Variants in SWT1 observed in about 807,000 individuals in gnomAD.
The protein encoded by SWT1 is SWT1 RNA endoribonuclease homolog, also known as transcriptional protein SWT1.
A neutral mutation model predicts 107.3 loss-of-function variants in SWT1; 33 were observed. The observed-to-expected ratio is 0.31, with a 90% CI of 0.23 to 0.41. The LOEUF (loss-of-function observed/expected upper bound fraction) is 0.41. SWT1 is among the 10% of genes least tolerant of loss of function. The pLI is 1.00. For synonymous variants in SWT1, 345 were observed against 348.3 expected, an observed-to-expected ratio of 0.99 and a Z score of 0.11; for missense variants, 898 against 1,028.9, an observed-to-expected ratio of 0.87 and a Z score of 1.74.
intron 15 of SWT1, 38 bp from the exon 16 acceptor site, chr1:185,231,539 A>G (rs767956573): frequency 2.7e-5 from 39 of 1,467,054 alleles, no homozygotes; most frequent in Non-Finnish European, 3.6e-5. Context: ...TTAAATATGT[A>G]TGTATACCTA....
At chr1:185,161,110 AGGTG>A (rs1220797621) in intron 2 of SWT1, among the ~76,000 whole-genome samples, 185 bp downstream of exon 2, 1 of 152,206 alleles carries the variant, frequency 6.6e-6, no homozygotes, top group East Asian at 1.9e-4. Context: ...CAACTGTATG[AGGTG>A]GGTACTATTA....
At chr1:185,187,605 G>A (rs1175631499) in intron 9 of SWT1, among the ~76,000 whole-genome samples, 3 of 152,124 alleles carry the variant, frequency 2.0e-5, no homozygotes, top group Admixed American at 1.3e-4. Flanking sequence ...TAATAACTAT[G>A]ATTTATATAG....
At chr1:185,268,741 ATCTGATTT>A (rs1426029008) in intron 16 of SWT1, among the ~76,000 whole-genome samples, 1 of 152,074 alleles carries the variant, frequency 6.6e-6, no homozygotes, top group Non-Finnish European at 1.5e-5. Context: ...ATCTTGTTTT[ATCTGATTT>A]TCTCGCCCTC....
At chr1:185,195,138 T>C (rs931113425) in intron 10 of SWT1, among the ~76,000 whole-genome samples, 34 of 152,168 alleles carry the variant, frequency 2.2e-4, no homozygotes, top group African/African-American at 7.0e-4. Context: ...CCTAATGCTA[T>C]CCTTCCCCTA....
At chr1:185,285,538 A>G (rs1029481031) in intron 18 of SWT1, among the ~76,000 whole-genome samples, 7 of 152,104 alleles carry the variant, frequency 4.6e-5, no homozygotes, top group Admixed American at 1.3e-4. Context: ...AAAAGTTTTT[A>G]ATTTTGATTA....
At chr1:185,188,736 G>A (rs1215980479) in intron 9 of SWT1, among the ~76,000 whole-genome samples, 1 of 152,114 alleles carries the variant, frequency 6.6e-6, no homozygotes, top group Admixed American at 6.6e-5. Context: ...TTATAAACTG[G>A]GAATAAGGTT....
intron 11 of SWT1, 29 bp downstream of exon 11, chr1:185,202,828 A>T (rs760962871): frequency 1.6e-6 from 2 of 1,287,260 alleles, no homozygotes; most frequent in Non-Finnish European, 2.1e-6. Context: ...ATAATTAGAG[A>T]TATATCTTAT....
At chr1:185,283,142 A>G (rs1170817324) in intron 18 of SWT1, among the ~76,000 whole-genome samples, 3 of 152,236 alleles carry the variant, frequency 2.0e-5, no homozygotes, top group Admixed American at 6.5e-5. Context: ...GATACAATTA[A>G]GTAGCTCAAG....
At chr1:185,286,811 T>A (rs1184375362) in intron 18 of SWT1, among the ~76,000 whole-genome samples, 1 of 152,168 alleles carries the variant, frequency 6.6e-6, no homozygotes, top group Non-Finnish European at 1.5e-5. Flanking sequence ...TTGCTCTGGC[T>A]AGAACTTCTA....
At position 185,206,762 on chromosome 1, in the gene SWT1, A is replaced by G. The variant is rs1658367743; in HGVS notation, c.1971A>G (p.Lys657=). 1.3e-6 allele frequency: 2 copies of G among 1,583,096 alleles called. No individual in the cohort carries two copies. The highest frequency in any genetic ancestry group is 1.4e-5 in the African/African-American group (1 of 73,286). ...TIESLYKNLR[K]ANKAVDFTTV... ...AGAGCCTATACAAAAATCTCCGTAA[A>G]GGTATGAATCTTTTATTTTTCTCTT... is the stretch of plus-strand genomic sequence containing the variant. Residue 657 remains lysine, a splice_region_variant and synonymous_variant, in exon 13 of 19, where the codon AAA becomes AAG. Coordinates refer to ENST00000367500, the MANE Select transcript of SWT1 (RefSeq NM_017673.7).
At chr1:185,249,440 C>T (rs1426602977) in intron 16 of SWT1, among the ~76,000 whole-genome samples, 3 of 152,000 alleles carry the variant, frequency 2.0e-5, no homozygotes, top group Non-Finnish European at 4.4e-5. Context: ...AGTTTACATC[C>T]CTCCAACTGA....
chr1:185,178,828 A>T (rs74632946), intron 5 of SWT1, among the ~76,000 whole-genome samples: 5,413 of 152,290 alleles, frequency 0.036, 309 homozygotes, highest in African/African-American at 0.12. Flanking sequence ...TAGTAAAACT[A>T]TAATGAGCCT....
chr1:185,215,326 T>C (rs1367179445), intron 14 of SWT1, among the ~76,000 whole-genome samples: 1 of 152,152 alleles, frequency 6.6e-6, no homozygotes, highest in African/African-American at 2.4e-5. Context: ...GTGCTCTTTT[T>C]CCCCAAGATA....
At chr1:185,273,682 G>A (rs989141167) in intron 17 of SWT1, among the ~76,000 whole-genome samples, 1 of 152,114 alleles carries the variant, frequency 6.6e-6, no homozygotes, top group Non-Finnish European at 1.5e-5. Flanking sequence ...CAGCCCAGGC[G>A]ACAGTGTGAG....
intron 9 of SWT1, among the ~76,000 whole-genome samples, chr1:185,190,066 T>C (rs928963196): frequency 6.6e-6 from 1 of 152,138 alleles, no homozygotes; most frequent in African/African-American, 2.4e-5. Context: ...CAGGCCGGTC[T>C]CGAACTCCTG....
intron 4 of SWT1, among the ~76,000 whole-genome samples, chr1:185,168,695 T>G (rs1205215134): frequency 6.6e-6 from 1 of 152,176 alleles, no homozygotes; most frequent in Non-Finnish European, 1.5e-5. Flanking sequence ...TTACATACAC[T>G]AGTGAAGTAA....
intron 16 of SWT1, among the ~76,000 whole-genome samples, chr1:185,244,340 T>TA (rs1661454976): frequency 6.6e-6 from 1 of 152,132 alleles, no homozygotes; most frequent in African/African-American, 2.4e-5. Flanking sequence ...ACCTAGGCTG[T>TA]ATGGTAAATG....
At position 185,190,678 on chromosome 1, in the gene SWT1, A is replaced by T. The variant is rs774728722; in HGVS notation, c.1523+36A>T. On this transcript the variant is annotated intron_variant, in intron 10 of 18. Transcript: ENST00000367500. ...TAGTCATTTGACTTTTTATTTTTAA[A>T]AAATAAACCAAATAATTTAAAAAAA... 4 of 1,236,228 alleles carry T rather than the reference A, an allele frequency of 3.2e-6. No individual in the cohort carries two copies. In the South Asian group the frequency reaches 3.9e-5, roughly 12 times the overall value. 76.6% of individuals were successfully genotyped at this position (1,236,228 alleles called of 1,614,324 possible). A position where few individuals can be genotyped will look rare whatever the true frequency, so the allele number is the denominator to read the frequency against.
chr1:185,251,188 A>C (rs923367966), intron 16 of SWT1: 5 of 152,256 alleles, frequency 3.3e-5, no homozygotes, highest in African/African-American at 1.2e-4. Context: ...AACCTAAAAA[A>C]ATAAATAAAT....
Sources: gnomAD v4.1 joint callset for allele counts (sites outside exome capture counted in the v4.1 genomes callset) on GRCh38, gnomAD v4.1.1 for gene constraint, MANE v1.5 for transcripts, NCBI Gene and HGNC (gene_info 2026-07-23, HGNC 2026-07-21) for gene names.